ZNF407: variants seen among roughly 807,000 people sequenced by gnomAD.
The protein encoded by ZNF407 is zinc finger protein 407.
In ZNF407, 17 loss-of-function variants were observed where a neutral mutation model predicts 131.2. That is an observed-to-expected ratio of 0.13 (90% CI 0.09 to 0.19). The LOEUF (loss-of-function observed/expected upper bound fraction) is 0.19. Among genes scored for constraint, ZNF407 ranks in the 10% least tolerant of loss-of-function variants. ZNF407 has a pLI of 1.00. For synonymous variants in ZNF407, 1,156 were observed against 1,062.0 expected (o/e 1.09, Z -1.72); for missense variants, 2,681 against 2,830.6 (o/e 0.95, Z 1.20).
In ZNF407 at chr18:74,632,623, A is replaced by G. The variant is rs750293398; in HGVS notation, c.1604A>G (p.Gln535Arg). 1.9e-6 allele frequency: 3 copies of G among 1,613,926 alleles called. No individual in the cohort carries two copies. Among genetic ancestry groups the G allele is most frequent in the African/African-American group, 2.7e-5 (2 of 74,950 alleles). Residue 535 changes from glutamine (Q) to arginine (R), a missense_variant, in exon 2 of 9, where the codon CAA (glutamine) becomes CGA (arginine). Physicochemically the swap from Gln to Arg is conservative, Grantham distance 43. This residue lies in a region of ZNF407 where 1,789 missense variants were observed against 1,748.7 expected (regional missense o/e 1.02). Coordinates refer to ENST00000299687, the MANE Select transcript of ZNF407 (RefSeq NM_017757.3). ...QTLCACTDCG[Q>R]VATNRTDLEI... ...TTGTGTGCTTGTACAGACTGTGGGCAAGTAGCTACAAATAGGACAGATTTG... is the reference window on the plus strand; with the variant it reads ...TTGTGTGCTTGTACAGACTGTGGGCGAGTAGCTACAAATAGGACAGATTTG...
At chr18:74,829,439 C>T (rs113519568) in intron 4 of ZNF407, among the ~76,000 whole-genome samples, 191 of 152,302 alleles carry the variant, frequency 1.3e-3, no homozygotes, top group African/African-American at 4.4e-3. Context: ...TTTGTAAGAT[C>T]TTGGAGAGCA....
Position 74,634,795 on chromosome 18 carries a change from C to T in ZNF407, c.3776C>T (p.Ser1259Leu), listed in dbSNP as rs34048449. ...LCPVTLDGERSAESPVLVVTR... is the reference protein window; with the variant it reads ...LCPVTLDGERLAESPVLVVTR... ...CCTGTGACGCTCGATGGGGAGCGCT[C>T]GGCTGAAAGCCCTGTGCTCGTTGTG... The change falls in exon 2 of 9, where the codon TCG (serine) becomes TTG (leucine). Residue 1259 changes from serine to leucine, a missense_variant. Physicochemically the swap from Ser to Leu is moderately radical, Grantham distance 145 (BLOSUM62 -2). Transcript: ENST00000299687. 2,187 of 1,613,944 alleles carry T rather than the reference C, an allele frequency of 1.4e-3. 4 individuals are homozygous for T. The African/African-American group carries it at 0.015, about 11-fold the overall frequency.
intron 3 of ZNF407, among the ~76,000 whole-genome samples, chr18:74,662,820 C>T (rs1011071823): frequency 6.6e-6 from 1 of 152,200 alleles, no homozygotes; most frequent in African/African-American, 2.4e-5. Flanking sequence ...ATTCAATTGT[C>T]ACTCTGTCAG....
rs148847992 is a variant in ZNF407 at position 74,766,476 on chromosome 18, C to T, written c.4803-14952C>T. Among the ~76,000 whole-genome samples, 263 of 152,260 alleles carry T rather than the reference C, an allele frequency of 1.7e-3. 2 individuals carry two copies. The highest frequency in any genetic ancestry group is 0.014 in the Middle Eastern group (4 of 294). ...GATGATCTATGTGGCAATGCCTGCG[C>T]GCTATGGTTTCACATCTGCCCTGCT... On this transcript the variant is annotated intron_variant, in intron 3 of 8. Transcript: ENST00000299687.
intron 4 of ZNF407, among the ~76,000 whole-genome samples, chr18:74,866,987 G>GAAAAA (rs35418996): frequency 9.6e-5 from 6 of 62,776 alleles, no homozygotes; most frequent in East Asian, 4.8e-4. Context: ...GTGTCTACCC[G>GAAAAA]AAAAAAAAAA....
In ZNF407 at chr18:74,763,196, CTTTTTTTTTTTTT is replaced by C. The variant is rs71170316; in HGVS notation, c.4803-18217_4803-18205del. On this transcript the variant is annotated intron_variant, in intron 3 of 8. Coordinates refer to ENST00000299687, the MANE Select transcript of ZNF407 (RefSeq NM_017757.3). ...ATGATTTTGAGCATCTTCTTAGGAC[CTTTTTTTTTTTTT>C]TTTTTTTTTTTTTTGCCATGTGTAT... Among the ~76,000 whole-genome samples, 122 of 17,788 alleles carry C rather than the reference CTTTTTTTTTTTTT, an allele frequency of 6.9e-3. 5 individuals are homozygous for C. In the South Asian group the frequency reaches 0.27, roughly 39 times the overall value. The allele number at this position is 17,788 out of a possible 152,430, so 11.7% of individuals were successfully genotyped here. A position where few individuals can be genotyped will look rare whatever the true frequency, so the allele number is the denominator to read the frequency against.
At chr18:74,814,938 A>G (rs1346403626) in intron 4 of ZNF407, among the ~76,000 whole-genome samples, 1 of 151,518 alleles carries the variant, frequency 6.6e-6, no homozygotes, top group African/African-American at 2.4e-5. Context: ...ATCATATTAT[A>G]TAATCTTTAT....
At chr18:75,042,161 A>G (rs7235278) in intron 8 of ZNF407, among the ~76,000 whole-genome samples, 115,266 of 151,546 alleles carry the variant, frequency 0.76, 45,103 homozygotes, top group East Asian at 0.9. Context: ...TTGGCCTCCC[A>G]AAGTGCTGGG....
At chr18:74,665,113 T>C (rs1036779617) in intron 3 of ZNF407, among the ~76,000 whole-genome samples, 1 of 152,238 alleles carries the variant, frequency 6.6e-6, no homozygotes, top group Non-Finnish European at 1.5e-5. Flanking sequence ...AACAGTAAAT[T>C]CATTTTTTTC....
At chr18:74,755,773 C>CTCTTTCTTTCTTTCTT (rs1968936747) in intron 3 of ZNF407, among the ~76,000 whole-genome samples, 1 of 113,464 alleles carries the variant, frequency 8.8e-6, no homozygotes, top group African/African-American at 4.3e-5. Context: ...TTCTTTCTTT[C>CTCTTTCTTTCTTTCTT]TCTCTCTCTC....
intron 8 of ZNF407, among the ~76,000 whole-genome samples, chr18:75,041,169 C>A (rs549729280): frequency 3.9e-5 from 6 of 152,328 alleles, no homozygotes; most frequent in African/African-American, 1.4e-4. Flanking sequence ...GCTGCCCAGG[C>A]ATATGTAGCT....
chr18:74,972,252 C>T (rs981733623), intron 8 of ZNF407, among the ~76,000 whole-genome samples: 1 of 152,152 alleles, frequency 6.6e-6, no homozygotes, highest in Admixed American at 6.6e-5. Context: ...CTTCTCACTC[C>T]GATTTTACTT....
rs572824871 is a variant in ZNF407 at position 74,891,679 on chromosome 18, A to G, written c.5249+1641A>G. On this transcript the variant is annotated intron_variant, in intron 7 of 8. Transcript: ENST00000299687. The stretch of plus-strand genomic sequence containing the variant: ...TAGACATAGAAATTCTATGGTGCTC[A>G]TAATATGGGTTCTTTAAAAAACAAA... 3.3e-5 allele frequency among the ~76,000 whole-genome samples: 5 copies of G among 152,362 alleles called. No homozygotes were observed. In the East Asian group the frequency reaches 7.7e-4, roughly 23 times the overall value.
chr18:74,628,620 C>T (rs1983906365), intron 1 of ZNF407, among the ~76,000 whole-genome samples: 1 of 152,154 alleles, frequency 6.6e-6, no homozygotes, highest in Admixed American at 6.5e-5. Flanking sequence ...GTCTCTGTCT[C>T]TGTCTCCCAG....
Position 74,881,108 on chromosome 18 carries a change from G to A in ZNF407, c.5117G>A (p.Arg1706Lys). 1 of 1,574,518 alleles carries A rather than the reference G, an allele frequency of 6.4e-7. No individual in the cohort carries two copies. The highest frequency in any genetic ancestry group is 8.6e-7 in the Non-Finnish European group (1 of 1,159,976). The part of the protein sequence containing the change: ...GTRHALTKHR[R>K]QHTGEKPFKC... Reference sequence around the variant, plus strand: ...CGCCACGCCCTCACCAAGCATCGCAGACAGCACACAGGTCAGTTCCGATGC... The same window carrying A: ...CGCCACGCCCTCACCAAGCATCGCAAACAGCACACAGGTCAGTTCCGATGC... Residue 1706 changes from arginine to lysine, a missense_variant, in exon 6 of 9, where the codon AGA becomes AAA. By Grantham distance (26) the Arg-to-Lys change is conservative. Transcript: ENST00000299687.
Position 74,631,619 on chromosome 18 carries a change from C to G in ZNF407, c.600C>G (p.Asp200Glu). The change falls in exon 2 of 9, where the codon GAC becomes GAG. Residue 200 changes from aspartate (D) to glutamate (E), a missense_variant. Physicochemically the swap from Asp to Glu is conservative, Grantham distance 45. Coordinates refer to ENST00000299687, the MANE Select transcript of ZNF407 (RefSeq NM_017757.3). ...GGCATTTGTTTTCTTCTTGCTCTGA[C>G]TTGGAAAAACATGCTGAGTCTCACA... ...ICGHLFSSCSDLEKHAESHMQ... is the reference protein window; with the variant it reads ...ICGHLFSSCSELEKHAESHMQ... The G allele has an allele frequency of 6.2e-7, 1 of 1,613,900 alleles. No individual in the cohort carries two copies. The highest frequency in any genetic ancestry group is 8.5e-7 in the Non-Finnish European group (1 of 1,179,886).
At chr18:74,627,093 C>T (rs1599021987) in intron 1 of ZNF407, among the ~76,000 whole-genome samples, 2 of 152,298 alleles carry the variant, frequency 1.3e-5, no homozygotes, top group African/African-American at 2.4e-5. Context: ...TCTCAGGAAT[C>T]GCTGTCCTTT....
At chr18:74,738,527 C>T (rs1968474679) in intron 3 of ZNF407, among the ~76,000 whole-genome samples, 1 of 150,836 alleles carries the variant, frequency 6.6e-6, no homozygotes, top group African/African-American at 2.5e-5. Context: ...ATCACGAGGT[C>T]AGGAGTTTGA....
chr18:74,836,872 C>T (rs982001578), intron 4 of ZNF407, among the ~76,000 whole-genome samples: 2 of 152,124 alleles, frequency 1.3e-5, no homozygotes, highest in African/African-American at 4.8e-5. Context: ...AGCTAGTAGG[C>T]GGTTCCTCTG....
Sources: allele counts gnomAD v4.1 joint callset (sites outside exome capture counted in the v4.1 genomes callset), GRCh38; gene constraint gnomAD v4.1.1; regional missense constraint gnomAD v4.1.1; transcripts MANE v1.5; gene names NCBI Gene and HGNC (gene_info 2026-07-23, HGNC 2026-07-21).